The following GCGR variants were observed in gnomAD, a reference collection of about 807,000 sequenced individuals.
The protein encoded by GCGR is glucagon receptor.
GCGR carries 41 observed loss-of-function variants against 56.1 expected under a neutral mutation model. That is an observed-to-expected ratio of 0.73 (90% confidence interval 0.57 to 0.95). The LOEUF (loss-of-function observed/expected upper bound fraction) is 0.95. GCGR is among the 40% of genes least tolerant of loss of function. The pLI, the probability that GCGR is intolerant of heterozygous loss-of-function variation, is 0.00. For synonymous variants in GCGR, 278 were observed against 271.1 expected (o/e 1.03, Z -0.25); for missense variants, 595 against 638.2 (o/e 0.93, Z 0.73).
chr17:81,813,776 G>A lies in GCGR; in HGVS notation c.*87G>A, dbSNP rs1455875170. ...CAGAACTGGACGCCCAGCTGAGGCT[G>A]GGGGCGGGGGAGCCAACAGCAGCCC... On this transcript the variant is annotated 3_prime_UTR_variant, in exon 14 of 14. Coordinates refer to ENST00000400723, the MANE Select transcript of GCGR (RefSeq NM_000160.5). This position sits in a 1 kb window ranked among gnomAD's most constrained non-coding sequence, Gnocchi z 5.3. 1 of 1,337,742 alleles carries A rather than the reference G, an allele frequency of 7.5e-7. No homozygotes were observed. Among genetic ancestry groups the A allele is most frequent in the Non-Finnish European group, 1.0e-6 (1 of 993,990 alleles). The allele number at this position is 1,337,742 out of a possible 1,614,324, so 82.9% of individuals were successfully genotyped here. A position where few individuals can be genotyped will look rare whatever the true frequency, so the allele number is the denominator to read the frequency against.
chr17:81,811,065 A>G lies in GCGR; in HGVS notation c.327A>G (p.Gly109=). Residue 109 remains glycine (G), a synonymous_variant, in exon 5 of 14, where the codon GGA becomes GGG. Transcript: ENST00000400723. This position sits in a 1 kb window ranked among gnomAD's most constrained non-coding sequence, Gnocchi z 5.8. Reference sequence around the variant, plus strand: ...GGCCCGACGGTCAGTGGGTGCGTGGACCCCGGGGGCAGCCTTGGCGTGATG... The same window carrying G: ...GGCCCGACGGTCAGTGGGTGCGTGGGCCCCGGGGGCAGCCTTGGCGTGATG... ...RCGPDGQWVR[G]PRGQPWRDAS... The G allele has an allele frequency of 1.9e-5, 29 of 1,536,028 alleles. No homozygotes were observed. Among genetic ancestry groups the G allele is most frequent in the Non-Finnish European group, 2.5e-5 (29 of 1,146,810 alleles).
Position 81,806,724 on chromosome 17 carries a change from G to T in GCGR, c.-177-2118G>T, listed in dbSNP as rs2037972610. Among the ~76,000 whole-genome samples, 1 of 152,106 alleles carries T rather than the reference G, an allele frequency of 6.6e-6. No homozygotes were observed. Among genetic ancestry groups the T allele is most frequent in the Non-Finnish European group, 1.5e-5 (1 of 68,002 alleles). On this transcript the variant is annotated intron_variant, in intron 1 of 13. Transcript: ENST00000400723. The surrounding 1 kb of genome is among the most constrained non-coding windows in gnomAD (Gnocchi z 6.5). ...GGCTTGGCCACGCTGGGCTCTAAGGGGCTGTCATTTTGCCCAGGGAGCTCC... is the reference window on the plus strand; with the variant it reads ...GGCTTGGCCACGCTGGGCTCTAAGGTGCTGTCATTTTGCCCAGGGAGCTCC...
chr17:81,813,505 G>A lies in GCGR; in HGVS notation c.1250G>A (p.Arg417His), dbSNP rs893269823. Residue 417 changes from arginine (R) to histidine (H), a missense_variant, in exon 14 of 14, where the codon CGC becomes CAC. Arg to His is a conservative substitution (Grantham distance 29). Transcript: ENST00000400723. The surrounding 1 kb of genome is among the most constrained non-coding windows in gnomAD (Gnocchi z 5.3). The stretch of plus-strand genomic sequence containing the variant: ...TCGGAGCTGCGGCGGCGTTGGCACC[G>A]CTGGCGCCTGGGCAAAGTGCTATGG... ...VQSELRRRWH[R>H]WRLGKVLWEE... is the part of the protein sequence containing the mutation. 18 of 1,535,476 alleles carry A rather than the reference G, an allele frequency of 1.2e-5. No homozygotes were observed. The Admixed American group carries it at 2.5e-4, about 22-fold the overall frequency.
In GCGR at chr17:81,810,907, CT is replaced by C. The variant is rs1296378838; in HGVS notation, c.247del (p.Trp83GlyfsTer61). The C allele has an allele frequency of 4.8e-5, 73 of 1,526,740 alleles. No homozygotes were observed. Among genetic ancestry groups the C allele is most frequent in the Non-Finnish European group, 5.8e-5 (66 of 1,141,262 alleles). 94.6% of individuals were successfully genotyped at this position (1,526,740 alleles called of 1,614,324 possible). A position where few individuals can be genotyped will look rare whatever the true frequency, so the allele number is the denominator to read the frequency against. On this transcript the variant is annotated frameshift_variant, in exon 4 of 14. Coordinates refer to ENST00000400723, the MANE Select transcript of GCGR (RefSeq NM_000160.5). LOFTEE classifies it high-confidence loss of function. The surrounding 1 kb of genome is among the most constrained non-coding windows in gnomAD (Gnocchi z 4.6). The part of the protein sequence containing the change: ...ANTTANISCP[W>X]YLPWHHKVQH... ...ATACCACGGCCAACATCTCCTGCCC[CT>C]GGTACCTGCCTTGGCACCACAAAGG...
intron 1 of GCGR, among the ~76,000 whole-genome samples, chr17:81,807,197 G>A (rs925133902): frequency 1.3e-5 from 2 of 152,220 alleles, no homozygotes; most frequent in African/African-American, 4.8e-5. Flanking sequence ...TCTCCGCCAG[G>A]GAGAGGCCCC....
In GCGR at chr17:81,813,183, C is replaced by T. The variant is rs1312826503; in HGVS notation, c.1218+126C>T. ...GGAACACGTGGGGCCCAAGCCTTTCCCTCCCCCTGCTCTTATTGGGTGCAG... is the reference window on the plus strand; with the variant it reads ...GGAACACGTGGGGCCCAAGCCTTTCTCTCCCCCTGCTCTTATTGGGTGCAG... On this transcript the variant is annotated intron_variant, in intron 13 of 13. Coordinates refer to ENST00000400723, the MANE Select transcript of GCGR (RefSeq NM_000160.5). The surrounding 1 kb of genome is among the most constrained non-coding windows in gnomAD (Gnocchi z 5.3). 1 of 1,396,398 alleles carries T rather than the reference C, an allele frequency of 7.2e-7. No homozygotes were observed. The highest frequency in any genetic ancestry group is 1.4e-5 in the African/African-American group (1 of 70,330). 86.5% of individuals were successfully genotyped at this position (1,396,398 alleles called of 1,614,324 possible).
In GCGR at chr17:81,813,170, G is replaced by T. The variant is rs2038139484; in HGVS notation, c.1218+113G>T. ...CTGCCCGGGGGTTGGAACACGTGGG[G>T]CCCAAGCCTTTCCCTCCCCCTGCTC... is the stretch of plus-strand genomic sequence containing the variant. On this transcript the variant is annotated intron_variant, in intron 13 of 13. Coordinates refer to ENST00000400723, the MANE Select transcript of GCGR (RefSeq NM_000160.5). This position sits in a 1 kb window ranked among gnomAD's most constrained non-coding sequence, Gnocchi z 5.3. 6.9e-7 allele frequency: 1 copy of T among 1,457,476 alleles called. No individual in the cohort carries two copies. The highest frequency in any genetic ancestry group is 9.3e-7 in the Non-Finnish European group (1 of 1,077,498). 90.3% of individuals were successfully genotyped at this position (1,457,476 alleles called of 1,614,324 possible).
rs566065928 is a variant in GCGR, at chr17:81,804,187, C to T, written c.-240C>T. On this transcript the variant is annotated 5_prime_UTR_variant, in exon 1 of 14. Transcript: ENST00000400723. The surrounding 1 kb of genome is among the most constrained non-coding windows in gnomAD (Gnocchi z 8.2). ...CCGCGAAGACGAGCGGTCACCGGCG[C>T]CCGACCCGAGCGCGCCCAGAGGACG... 1 of 151,330 alleles carries T rather than the reference C, an allele frequency of 6.6e-6. No individual in the cohort carries two copies. Among genetic ancestry groups the T allele is most frequent in the Non-Finnish European group, 1.5e-5 (1 of 67,734 alleles). 9.4% of individuals were successfully genotyped at this position (151,330 alleles called of 1,614,324 possible).
chr17:81,810,712 G>A lies in GCGR; in HGVS notation c.164-113G>A. 1.0e-6 allele frequency: 1 copy of A among 989,154 alleles called. No homozygotes were observed. Among genetic ancestry groups the A allele is most frequent in the Non-Finnish European group, 1.5e-6 (1 of 655,078 alleles). 61.3% of individuals were successfully genotyped at this position (989,154 alleles called of 1,614,324 possible). On this transcript the variant is annotated intron_variant, in intron 3 of 13. Coordinates refer to ENST00000400723, the MANE Select transcript of GCGR (RefSeq NM_000160.5). This position sits in a 1 kb window ranked among gnomAD's most constrained non-coding sequence, Gnocchi z 4.6. The stretch of plus-strand genomic sequence containing the variant: ...AGGGAGCAGCCCAGGCCATGTCCTG[G>A]GCGAGGTGACGGCCGAGCTCAGGCT...
rs372612289 is a variant in GCGR, at chr17:81,812,896, C to A, written c.1127C>A (p.Thr376Asn). The A allele has an allele frequency of 2.1e-5, 33 of 1,535,998 alleles. No homozygotes were observed. Among genetic ancestry groups the A allele is most frequent in the Non-Finnish European group, 2.6e-5 (30 of 1,146,770 alleles). Residue 376 changes from threonine (T) to asparagine (N), a missense_variant, in exon 12 of 14, where the codon ACC becomes AAC. Transcript: ENST00000400723. The surrounding 1 kb of genome is among the most constrained non-coding windows in gnomAD (Gnocchi z 8.5). The part of the protein sequence containing the change: ...AFVTDEHAQG[T>N]LRSAKLFFDL... Reference sequence around the variant, plus strand: ...GTGACGGACGAGCACGCCCAGGGCACCCTGCGCTCCGCCAAGCTCTTCTTC... The same window carrying A: ...GTGACGGACGAGCACGCCCAGGGCAACCTGCGCTCCGCCAAGCTCTTCTTC...
intron 1 of GCGR, among the ~76,000 whole-genome samples, chr17:81,807,452 C>T (rs2037986508): frequency 6.6e-6 from 1 of 152,324 alleles, no homozygotes; most frequent in South Asian, 2.1e-4. Flanking sequence ...GGAGCTGGCC[C>T]CACGCGGGCT....
Position 81,811,154 on chromosome 17 carries a change from C to A in GCGR, c.393+23C>A. ...CAGGTCAGTGGGCGGCAGGCAGGCG[C>A]GGTGGGGCTGGATGGGAACGGGCAT... On this transcript the variant is annotated intron_variant, in intron 5 of 13. Coordinates refer to ENST00000400723, the MANE Select transcript of GCGR (RefSeq NM_000160.5). The surrounding 1 kb of genome is among the most constrained non-coding windows in gnomAD (Gnocchi z 5.8). The A allele has an allele frequency of 3.3e-6, 5 of 1,536,024 alleles. No homozygotes were observed. Among genetic ancestry groups the A allele is most frequent in the Non-Finnish European group, 4.4e-6 (5 of 1,146,752 alleles).
In GCGR at chr17:81,811,435, G is replaced by A. The variant is rs1487695265; in HGVS notation, c.532G>A (p.Ala178Thr). The change falls in exon 7 of 14, where the codon GCG becomes ACG. Residue 178 changes from alanine to threonine, a missense_variant. Ala to Thr is a moderately conservative substitution (Grantham distance 58). Transcript: ENST00000400723. This position sits in a 1 kb window ranked among gnomAD's most constrained non-coding sequence, Gnocchi z 5.8. ...GCACTGCACCCGCAATGCCATCCACGCGAATCTGTTTGCGTCCTTCGTGCT... is the reference window on the plus strand; with the variant it reads ...GCACTGCACCCGCAATGCCATCCACACGAATCTGTTTGCGTCCTTCGTGCT... ...KLHCTRNAIH[A>T]NLFASFVLKA... The A allele has an allele frequency of 1.0e-5, 16 of 1,536,448 alleles. No individual in the cohort carries two copies. The highest frequency in any genetic ancestry group is 3.6e-5 in the South Asian group (3 of 84,074).
At position 81,808,941 on chromosome 17, in the gene GCGR, G is replaced by A. The variant is rs1598234584; in HGVS notation, c.-78G>A. The A allele has an allele frequency of 4.6e-6, 7 of 1,507,534 alleles. No homozygotes were observed. The highest frequency in any genetic ancestry group is 2.8e-5 in the African/African-American group (2 of 72,574). 93.4% of individuals were successfully genotyped at this position (1,507,534 alleles called of 1,614,324 possible). On this transcript the variant is annotated 5_prime_UTR_variant, in exon 2 of 14. Coordinates refer to ENST00000400723, the MANE Select transcript of GCGR (RefSeq NM_000160.5). ...GCCACTCAGCTGCCCTCGGAGGAGC[G>A]TACACACCCACCAGGACTGCATTGC...
Position 81,811,745 on chromosome 17 carries a change from A to G in GCGR, c.752A>G (p.Asn251Ser), listed in dbSNP as rs1242988043. 2 of 1,542,598 alleles carry G rather than the reference A, an allele frequency of 1.3e-6. No homozygotes were observed. Among genetic ancestry groups the G allele is most frequent in the Admixed American group, 1.9e-5 (1 of 51,604 alleles). The change falls in exon 8 of 14, where the codon AAC (asparagine) becomes AGC (serine). Residue 251 changes from asparagine (N) to serine (S), a missense_variant. Physicochemically the swap from Asn to Ser is conservative, Grantham distance 46. Transcript: ENST00000400723. This position sits in a 1 kb window ranked among gnomAD's most constrained non-coding sequence, Gnocchi z 5.8. Reference protein sequence around the residue: ...WLLVEGLYLHNLLGLATLPER... With the variant: ...WLLVEGLYLHSLLGLATLPER... Reference sequence around the variant, plus strand: ...CTGGTGGAGGGCCTGTACCTGCACAACCTGCTGGGCCTGGCCACCCTCCCC... The same window carrying G: ...CTGGTGGAGGGCCTGTACCTGCACAGCCTGCTGGGCCTGGCCACCCTCCCC...
Position 81,813,119 on chromosome 17 carries a change from G to A in GCGR, c.1218+62G>A. On this transcript the variant is annotated intron_variant, in intron 13 of 13. Transcript: ENST00000400723. The surrounding 1 kb of genome is among the most constrained non-coding windows in gnomAD (Gnocchi z 5.3). ...TGGCCGTCGGGGTCAGGGGCAGAGAGAGGCACAGGGATGCCAGCCCCACCC... is the reference window on the plus strand; with the variant it reads ...TGGCCGTCGGGGTCAGGGGCAGAGAAAGGCACAGGGATGCCAGCCCCACCC... 6.5e-7 allele frequency: 1 copy of A among 1,533,274 alleles called. No individual in the cohort carries two copies. The highest frequency in any genetic ancestry group is 8.7e-7 in the Non-Finnish European group (1 of 1,145,736). The allele number at this position is 1,533,274 out of a possible 1,614,324, so 95.0% of individuals were successfully genotyped here.
chr17:81,811,588 G>T lies in GCGR; in HGVS notation c.657+28G>T. On this transcript the variant is annotated intron_variant, in intron 7 of 13. Transcript: ENST00000400723. The surrounding 1 kb of genome is among the most constrained non-coding windows in gnomAD (Gnocchi z 5.8). ...GAGCCCCCCTCGGCGGCCCCAGGCA[G>T]GTGGGTGGGTGGGCAGCCAGGCAGG... 6.5e-7 allele frequency: 1 copy of T among 1,536,100 alleles called. No individual in the cohort carries two copies. The highest frequency in any genetic ancestry group is 8.7e-7 in the Non-Finnish European group (1 of 1,146,768).
chr17:81,809,289 C>CTGCCTGCCTGTCT (rs2038029189), intron 2 of GCGR, among the ~76,000 whole-genome samples: 3 of 123,604 alleles, frequency 2.4e-5, no homozygotes, highest in African/African-American at 6.2e-5. Flanking sequence ...TCTGCCTGTC[C>CTGCCTGCCTGTCT]GTCTGCCTGT....
chr17:81,806,927 C>G lies in GCGR; in HGVS notation c.-177-1915C>G, dbSNP rs2037977082. Among the ~76,000 whole-genome samples, 1 of 152,116 alleles carries G rather than the reference C, an allele frequency of 6.6e-6. No homozygotes were observed. The highest frequency in any genetic ancestry group is 1.5e-5 in the Non-Finnish European group (1 of 67,988). On this transcript the variant is annotated intron_variant, in intron 1 of 13. Transcript: ENST00000400723. This position sits in a 1 kb window ranked among gnomAD's most constrained non-coding sequence, Gnocchi z 6.5. Reference sequence around the variant, plus strand: ...CCCTCTCCCCGTCCCCTGCCCAGAGCCCCAGGTCTCCCCTGCACCCCTGAG... The same window carrying G: ...CCCTCTCCCCGTCCCCTGCCCAGAGGCCCAGGTCTCCCCTGCACCCCTGAG...
Sources: gnomAD v4.1 joint callset for allele counts (sites outside exome capture counted in the v4.1 genomes callset) on GRCh38, gnomAD v4.1.1 for gene constraint, Gnocchi (gnomAD v3.1) non-coding constraint, MANE v1.5 for transcripts, NCBI Gene and HGNC (gene_info 2026-07-23, HGNC 2026-07-21) for gene names.